RNF17: variants seen among roughly 807,000 people sequenced by gnomAD.
RNF17 encodes the protein spermatogenesis associated 23.
Under a neutral mutation model 200.5 loss-of-function variants are expected in RNF17, and 31 were observed. The ratio of observed to expected loss-of-function variants is 0.15; its 90% CI spans 0.12 to 0.21. RNF17 has a LOEUF of 0.21. RNF17 is among the 10% of genes least tolerant of loss of function. The pLI, the probability that RNF17 is intolerant of heterozygous loss-of-function variation, is 1.00. For missense variants in RNF17, 1,628 were observed against 1,905.1 expected, an observed-to-expected ratio of 0.85 and a Z score of 2.71; for synonymous variants, 606 against 637.8, an observed-to-expected ratio of 0.95 and a Z score of 0.75.
intron 20 of RNF17, 69 bp from the exon 21 acceptor site, chr13:24,844,583 T>G (rs1483904043): frequency 7.9e-7 from 1 of 1,260,972 alleles, no homozygotes; most frequent in African/African-American, 1.5e-5. Context: ...GCGGAGATTG[T>G]AGGAAACATG....
At chr13:24,771,940 GT>G (rs1050419882) in intron 2 of RNF17, among the ~76,000 whole-genome samples, 5 of 152,060 alleles carry the variant, frequency 3.3e-5, no homozygotes, top group African/African-American at 1.2e-4. Flanking sequence ...GGAGGCGGAG[GT>G]TGCAGTGAGC....
chr13:24,884,202 G>A (rs545623913), downstream of RNF17: 19 of 1,614,138 alleles, frequency 1.2e-5, no homozygotes, highest in South Asian at 4.4e-5. Flanking sequence ...CAGTCCCTCC[G>A]GGTATGTCGT....
intron 18 of RNF17, among the ~76,000 whole-genome samples, chr13:24,840,060 C>A (rs1285170836): frequency 6.6e-6 from 1 of 151,896 alleles, no homozygotes; most frequent in Non-Finnish European, 1.5e-5. Context: ...AAAAAGTGGG[C>A]TAAGGACATG....
At chr13:24,884,199 T>A, downstream of RNF17, 1 of 1,614,188 alleles carries the variant, frequency 6.2e-7, no homozygotes. Context: ...TTCCAGTCCC[T>A]CCGGGTATGT....
chr13:24,785,362 T>C (rs991228204), intron 6 of RNF17, among the ~76,000 whole-genome samples: 1 of 152,220 alleles, frequency 6.6e-6, no homozygotes, highest in Non-Finnish European at 1.5e-5. Context: ...TATTTTTACA[T>C]GTTTATGAAT....
At chr13:24,830,838 A>C (rs1889306813) in intron 17 of RNF17, among the ~76,000 whole-genome samples, 1 of 152,240 alleles carries the variant, frequency 6.6e-6, no homozygotes, top group Non-Finnish European at 1.5e-5. Flanking sequence ...GGCAGCTTTT[A>C]ATATATCATT....
chr13:24,776,675 G>T (rs539437878), intron 3 of RNF17, among the ~76,000 whole-genome samples: 1 of 152,330 alleles, frequency 6.6e-6, no homozygotes, highest in South Asian at 2.1e-4. Context: ...GAATTAAGCA[G>T]TTAACTTACT....
At chr13:24,824,090 G>A in intron 15 of RNF17, 1 of 681,650 alleles carries the variant, frequency 1.5e-6, no homozygotes, top group Non-Finnish European at 2.7e-6. Context: ...TGGGAAGAGG[G>A]TAGGGTGAGG....
In RNF17 at chr13:24,864,985, A is replaced by G; in HGVS notation, c.4088A>G (p.Glu1363Gly). The G allele has an allele frequency of 6.4e-7, 1 of 1,552,022 alleles. No individual in the cohort carries two copies. The highest frequency in any genetic ancestry group is 8.7e-7 in the Non-Finnish European group (1 of 1,149,476). Residue 1363 changes from glutamate to glycine, a missense_variant, in exon 29 of 36, where the codon GAG (glutamate) becomes GGG (glycine). Around this residue, in one of 5 missense-constraint regions of RNF17, gnomAD observed 609 missense variants for 681.9 expected, o/e 0.89. Coordinates refer to ENST00000255324, the MANE Select transcript of RNF17 (RefSeq NM_031277.3). ...TACTGTACTTCTGAACATACTGAGG[A>G]GATGTTGAAAGAAGTAAGTGCACTA... ...YKYCTSEHTE[E>G]MLKEKPRSDH...
At chr13:24,758,032 C>T in the RNF17 span, among the ~76,000 whole-genome samples, 11 of 152,176 alleles carry the variant, frequency 7.2e-5, no homozygotes, top group African/African-American at 2.2e-4. Flanking sequence ...ATGTAAGACA[C>T]GCCAGCTTCC....
chr13:24,824,248 C>G, intron 15 of RNF17: 1 of 711,184 alleles, frequency 1.4e-6, no homozygotes, highest in Non-Finnish European at 2.6e-6. Context: ...TTCAATGTTT[C>G]TGTATTGGAA....
At chr13:24,880,382 A>G (rs1384693107), downstream of RNF17, among the ~76,000 whole-genome samples, 3 of 152,202 alleles carry the variant, frequency 2.0e-5, no homozygotes, top group South Asian at 2.1e-4. Flanking sequence ...TGGGATTACA[A>G]TTCGAGATTT....
chr13:24,820,509 C>T (rs1887925961), intron 15 of RNF17, among the ~76,000 whole-genome samples: 1 of 152,048 alleles, frequency 6.6e-6, no homozygotes, highest in South Asian at 2.1e-4. Context: ...GATCTTGGCT[C>T]ACGGCAACCT....
At chr13:24,885,118 C>G in the RNF17 span, among the ~76,000 whole-genome samples, 2 of 152,250 alleles carry the variant, frequency 1.3e-5, no homozygotes, top group African/African-American at 4.8e-5. Context: ...AAAGATCATA[C>G]AGAGATTGTA....
chr13:24,763,962 T>C (rs1879142038), upstream of RNF17, among the ~76,000 whole-genome samples: 1 of 152,228 alleles, frequency 6.6e-6, no homozygotes, highest in Admixed American at 6.5e-5. Context: ...AAGTGGTGAC[T>C]CTTTGGGTAG....
At chr13:24,876,920 TC>T in intron 33 of RNF17, 76 bp from the exon 34 acceptor site, 2 of 1,183,844 alleles carry the variant, frequency 1.7e-6, no homozygotes, top group South Asian at 1.6e-5. Context: ...ATGAAGCGTT[TC>T]CCCTATGTTT....
Position 24,861,334 on chromosome 13 carries a change from T to C in RNF17, c.3841T>C (p.Tyr1281His). 6.3e-7 allele frequency: 1 copy of C among 1,587,300 alleles called. No homozygotes were observed. Among genetic ancestry groups the C allele is most frequent in the Non-Finnish European group, 8.6e-7 (1 of 1,164,064 alleles). The part of the protein sequence containing the change: ...PQCHLYPILL[Y>H]PDIPQFCIPC... ...GTGCCATCTTTACCCTATTTTGCTG[T>C]ATCCTGATATACCCCAGTTTTGTAT... Residue 1281 changes from tyrosine (Y) to histidine (H), a missense_variant, in exon 27 of 36, where the codon TAT becomes CAT. Coordinates refer to ENST00000255324, the MANE Select transcript of RNF17 (RefSeq NM_031277.3).
intron 1 of RNF17, among the ~76,000 whole-genome samples, chr13:24,766,188 G>C (rs1354733584): frequency 6.6e-6 from 1 of 152,152 alleles, no homozygotes; most frequent in Non-Finnish European, 1.5e-5. Context: ...CGAGATCGTG[G>C]TCCGTCTCAG....
intron 18 of RNF17, among the ~76,000 whole-genome samples, chr13:24,838,034 A>G (rs1429371873): frequency 6.6e-6 from 1 of 152,188 alleles, no homozygotes; most frequent in Non-Finnish European, 1.5e-5. Flanking sequence ...ACTGAAGTAC[A>G]AAAGATCATT....
Sources: allele counts gnomAD v4.1 joint callset (sites outside exome capture counted in the v4.1 genomes callset), GRCh38; gene constraint gnomAD v4.1.1; regional missense constraint gnomAD v4.1.1; transcripts MANE v1.5; gene names NCBI Gene and HGNC (gene_info 2026-07-23, HGNC 2026-07-21).